The following MRTFA variants were observed in gnomAD, a reference collection of about 807,000 sequenced individuals.
The protein encoded by MRTFA is myocardin-related transcription factor A.
In MRTFA, 20 loss-of-function variants were observed where a neutral mutation model predicts 83.5. That is an observed-to-expected ratio of 0.24 (90% CI 0.17 to 0.35). The LOEUF is 0.35. Among genes scored for constraint, MRTFA ranks in the 10% least tolerant of loss-of-function variants. The pLI is 1.00. For synonymous variants in MRTFA, 659 were observed against 541.2 expected (o/e 1.22, Z -3.02); for missense variants, 1,200 against 1,224.7 (o/e 0.98, Z 0.30).
At position 40,520,992 on chromosome 22, in the gene MRTFA, C is replaced by G. The variant is rs186506317; in HGVS notation, c.241+31114G>C. Among the ~76,000 whole-genome samples, 702 of 151,976 alleles carry G rather than the reference C, an allele frequency of 4.6e-3. 3 individuals are homozygous for G. Among genetic ancestry groups the G allele is most frequent in the Admixed American group, 6.2e-3 (94 of 15,196 alleles). ...AAGCTGCCAAATTGTAGTTTTTAAACTTTTCATTCTGAGATAATTATAGAT... is the reference window on the plus strand; with the variant it reads ...AAGCTGCCAAATTGTAGTTTTTAAAGTTTTCATTCTGAGATAATTATAGAT... On this transcript the variant is annotated intron_variant, in intron 3 of 14. Transcript: ENST00000355630.
chr22:40,456,357 C>G (rs1490433011), intron 4 of MRTFA, among the ~76,000 whole-genome samples: 1 of 152,050 alleles, frequency 6.6e-6, no homozygotes, highest in African/African-American at 2.4e-5. Context: ...GGGAGCCTCT[C>G]TGCACCTATT....
At chr22:40,415,905 A>G (rs192587623) in intron 14 of MRTFA, among the ~76,000 whole-genome samples, 34 of 150,362 alleles carry the variant, frequency 2.3e-4, no homozygotes, top group African/African-American at 7.4e-4. Context: ...TGTCCTCCCG[A>G]CCCCCAAGGC....
At chr22:40,504,200 C>G (rs573187419) in intron 3 of MRTFA, among the ~76,000 whole-genome samples, 4 of 152,200 alleles carry the variant, frequency 2.6e-5, no homozygotes, top group Admixed American at 1.3e-4. Flanking sequence ...TTAACCTAGA[C>G]TTCTCAAATT....
intron 1 of MRTFA, among the ~76,000 whole-genome samples, chr22:40,614,126 T>C (rs2056420232): frequency 6.7e-6 from 1 of 150,236 alleles, no homozygotes; most frequent in Admixed American, 6.6e-5. Context: ...CACTAGAATC[T>C]AGGCGGCAGA....
intron 3 of MRTFA, among the ~76,000 whole-genome samples, chr22:40,518,808 A>AC (rs1477753143): frequency 1.3e-5 from 2 of 150,202 alleles, no homozygotes. Flanking sequence ...AAAAAAAAAA[A>AC]AAAAAAAAAA....
chr22:40,460,850 G>A (rs143093105), intron 4 of MRTFA, among the ~76,000 whole-genome samples: 1 of 152,264 alleles, frequency 6.6e-6, no homozygotes, highest in East Asian at 1.9e-4. Context: ...GTGAACTGCA[G>A]TAAACAAAAA....
At chr22:40,536,500 G>T (rs1359051014) in intron 3 of MRTFA, among the ~76,000 whole-genome samples, 5 of 139,242 alleles carry the variant, frequency 3.6e-5, no homozygotes, top group Admixed American at 2.9e-4. Context: ...AAAGTGCCGA[G>T]ATTGCAGCCT....
At chr22:40,504,681 G>A (rs538670329) in intron 3 of MRTFA, among the ~76,000 whole-genome samples, 4 of 152,314 alleles carry the variant, frequency 2.6e-5, no homozygotes, top group African/African-American at 7.2e-5. Context: ...AGTTACTTAT[G>A]TAAGTGAGAA....
At chr22:40,413,943 A>T (rs1390230194) in intron 14 of MRTFA, among the ~76,000 whole-genome samples, 1 of 152,204 alleles carries the variant, frequency 6.6e-6, no homozygotes, top group African/African-American at 2.4e-5. Flanking sequence ...GCTGGTGAGG[A>T]GGTGAAGAAA....
At chr22:40,544,460 C>A (rs997970513) in intron 3 of MRTFA, among the ~76,000 whole-genome samples, 1 of 152,170 alleles carries the variant, frequency 6.6e-6, no homozygotes, top group Non-Finnish European at 1.5e-5. Context: ...CTCCTGGCCT[C>A]AAGCCATCCT....
intron 3 of MRTFA, among the ~76,000 whole-genome samples, chr22:40,471,314 A>C (rs999585528): frequency 6.6e-5 from 10 of 151,644 alleles, no homozygotes; most frequent in African/African-American, 2.4e-4. Flanking sequence ...GAGGCAAGAG[A>C]ATCGCTTGAA....
chr22:40,553,023 TTATA>T (rs2055466233), intron 2 of MRTFA, among the ~76,000 whole-genome samples: 1 of 152,174 alleles, frequency 6.6e-6, no homozygotes, highest in South Asian at 2.1e-4. Context: ...TGTTGGAAAC[TTATA>T]TAAAGGTGAT....
At position 40,411,777 on chromosome 22, in the gene MRTFA, A is replaced by C; in HGVS notation, c.2709T>G (p.Pro903=). The C allele has an allele frequency of 6.5e-7, 1 of 1,533,650 alleles. No individual in the cohort carries two copies. Among genetic ancestry groups the C allele is most frequent in the Non-Finnish European group, 8.8e-7 (1 of 1,134,814 alleles). Reference sequence around the variant, plus strand: ...CAGGGAGGGAGGGTGAGCCTGGAGGAGGTGGGGCAGCCTGGGGGAGCTCAG... The same window carrying C: ...CAGGGAGGGAGGGTGAGCCTGGAGGCGGTGGGGCAGCCTGGGGGAGCTCAG... Residue 903 remains proline (P), a synonymous_variant, in exon 15 of 15, where the codon CCT becomes CCG. Coordinates refer to ENST00000355630, the MANE Select transcript of MRTFA (RefSeq NM_020831.6).
At chr22:40,524,338 C>T (rs535082903) in intron 3 of MRTFA, among the ~76,000 whole-genome samples, 5 of 152,144 alleles carry the variant, frequency 3.3e-5, no homozygotes, top group African/African-American at 4.8e-5. Context: ...ACATTGTATA[C>T]TAACACCACC....
At chr22:40,452,611 G>T (rs2053514369) in intron 4 of MRTFA, among the ~76,000 whole-genome samples, 1 of 151,662 alleles carries the variant, frequency 6.6e-6, no homozygotes, top group African/African-American at 2.4e-5. Flanking sequence ...ATCACCTGAG[G>T]TCAGGAGTTC....
intron 4 of MRTFA, among the ~76,000 whole-genome samples, chr22:40,440,831 AG>A (rs1459685606): frequency 6.6e-6 from 1 of 152,210 alleles, no homozygotes; most frequent in Non-Finnish European, 1.5e-5. Context: ...CATGCCAAGG[AG>A]GTAAGACACG....
At chr22:40,459,681 C>G (rs948245621) in intron 4 of MRTFA, among the ~76,000 whole-genome samples, 4 of 150,738 alleles carry the variant, frequency 2.7e-5, no homozygotes, top group Admixed American at 2.0e-4. Flanking sequence ...TTGTCAGACT[C>G]TCTCTCTCAT....
rs2053029409 is a variant in MRTFA at position 40,429,722 on chromosome 22, T to G, written c.485A>C (p.Lys162Thr). ...GAGGTCATCGGCTAGTCTGGCTCTC[T>G]TCAGCTTCAGCTGCTTGGCCTGGAG... Residue 162 changes from lysine (K) to threonine (T), a missense_variant, in exon 7 of 15, where the codon AAG becomes ACG. This residue lies in a region of MRTFA where 93 missense variants were observed against 182.9 expected (regional missense o/e 0.51). Transcript: ENST00000355630. 2 of 1,613,884 alleles carry G rather than the reference T, an allele frequency of 1.2e-6. No homozygotes were observed. The highest frequency in any genetic ancestry group is 3.3e-5 in the Admixed American group (2 of 59,984).
At chr22:40,445,089 AAGAATACACCTGGTG>A (rs2053350955) in intron 4 of MRTFA, among the ~76,000 whole-genome samples, 1 of 152,140 alleles carries the variant, frequency 6.6e-6, no homozygotes, top group Non-Finnish European at 1.5e-5. Flanking sequence ...AAAAATTATC[AAGAATACACCTGGTG>A]ACTGCCATAT....
Sources: gnomAD v4.1 joint callset for allele counts (sites outside exome capture counted in the v4.1 genomes callset) on GRCh38, gnomAD v4.1.1 for gene constraint, gnomAD v4.1.1 regional missense constraint, MANE v1.5 for transcripts, NCBI Gene and HGNC (gene_info 2026-07-23, HGNC 2026-07-21) for gene names.